PLXDC2: variants seen among roughly 807,000 people sequenced by gnomAD.
The protein encoded by PLXDC2 is plexin domain-containing protein 2.
PLXDC2 carries 40 observed loss-of-function variants against 68.9 expected under a neutral mutation model. That is an observed-to-expected ratio of 0.58 (90% CI 0.45 to 0.76). The LOEUF (loss-of-function observed/expected upper bound fraction) is 0.76, where lower values mean the gene tolerates loss of function less well. PLXDC2 is among the 30% of genes least tolerant of loss of function. PLXDC2 has a pLI of 0.00. For synonymous variants in PLXDC2, 243 were observed against 234.2 expected (o/e 1.04, Z -0.34); for missense variants, 644 against 661.9 (o/e 0.97, Z 0.30).
intron 13 of PLXDC2, among the ~76,000 whole-genome samples, chr10:20,249,462 C>A (rs901292665): frequency 6.6e-6 from 1 of 152,132 alleles, no homozygotes; most frequent in African/African-American, 2.4e-5. Flanking sequence ...AGGGGATAAT[C>A]GTTTCCTTGC....
rs988772698 is a variant in PLXDC2 at position 19,816,498 on chromosome 10, G to A, written c.-582G>A. On this transcript the variant is annotated 5_prime_UTR_variant, in exon 1 of 14. Transcript: ENST00000377252. ...GAGCTGCCCATTCCTCCGGCTGCGA[G>A]AAAGGACGCGCGCCCTGCGTCGGGC... 1 of 151,038 alleles carries A rather than the reference G, an allele frequency of 6.6e-6. No homozygotes were observed. The highest frequency in any genetic ancestry group is 2.5e-5 in the African/African-American group (1 of 40,398). 9.4% of individuals were successfully genotyped at this position (151,038 alleles called of 1,614,324 possible).
chr10:20,014,407 CTTCCTTCCTTCCTTCCTTCCTTCT>C (rs2131647539), intron 2 of PLXDC2, among the ~76,000 whole-genome samples: 2 of 123,992 alleles, frequency 1.6e-5, no homozygotes, highest in African/African-American at 5.8e-5. Context: ...TCCTTCCTTC[CTTCCTTCCTTCCTTCCTTCCTTCT>C]TTCCTTCCTT....
At chr10:19,978,082 C>T (rs1404810715) in intron 1 of PLXDC2, among the ~76,000 whole-genome samples, 1 of 152,142 alleles carries the variant, frequency 6.6e-6, no homozygotes, top group East Asian at 1.9e-4. Context: ...AACCTGTGAG[C>T]AAATCAGCAT....
chr10:19,861,768 G>A (rs760727363), intron 1 of PLXDC2, among the ~76,000 whole-genome samples: 6 of 152,110 alleles, frequency 3.9e-5, no homozygotes, highest in Non-Finnish European at 7.4e-5. Context: ...GCTAGAGTTG[G>A]AGCACATCTT....
intron 6 of PLXDC2, among the ~76,000 whole-genome samples, chr10:20,150,915 T>A (rs1393606703): frequency 6.6e-6 from 1 of 152,226 alleles, no homozygotes; most frequent in Non-Finnish European, 1.5e-5. Context: ...CCTGTTTTGT[T>A]ATGGGGAATT....
chr10:20,108,567 G>A (rs996707353), intron 4 of PLXDC2, among the ~76,000 whole-genome samples: 3 of 152,130 alleles, frequency 2.0e-5, no homozygotes, highest in Non-Finnish European at 4.4e-5. Context: ...ATCAGTGCGT[G>A]GTGGATAAGG....
At chr10:20,035,423 G>A (rs1299962139) in intron 2 of PLXDC2, among the ~76,000 whole-genome samples, 3 of 152,166 alleles carry the variant, frequency 2.0e-5, no homozygotes, top group Non-Finnish European at 2.9e-5. Flanking sequence ...TAGGCAAGAT[G>A]TGGTGGCTCA....
At chr10:20,129,636 G>T (rs1171729913) in intron 4 of PLXDC2, among the ~76,000 whole-genome samples, 4 of 147,368 alleles carry the variant, frequency 2.7e-5, no homozygotes, top group African/African-American at 9.8e-5. Context: ...TAATAGTTTT[G>T]CAGTTTCTGG....
At position 20,222,049 on chromosome 10, in the gene PLXDC2, A is replaced by G. The variant is rs149778100; in HGVS notation, c.1312+2947A>G. ...CAGATTGACAGGTCTGTCATCTCAC[A>G]TAGTTACTTTTTGGTGACTAATTGG... On this transcript the variant is annotated intron_variant, in intron 12 of 13. Transcript: ENST00000377252. Among the ~76,000 whole-genome samples the G allele has an allele frequency of 9.9e-3, 1,506 of 152,306 alleles. 18 individuals carry two copies. The highest frequency in any genetic ancestry group is 0.012 in the Non-Finnish European group (832 of 68,022).
chr10:19,967,944 A>G (rs1834290980), intron 1 of PLXDC2, among the ~76,000 whole-genome samples: 1 of 152,244 alleles, frequency 6.6e-6, no homozygotes, highest in Non-Finnish European at 1.5e-5. Flanking sequence ...TAAAATTATG[A>G]AGAAAAGGGA....
At chr10:19,853,425 T>C (rs1837156824) in intron 1 of PLXDC2, among the ~76,000 whole-genome samples, 1 of 152,080 alleles carries the variant, frequency 6.6e-6, no homozygotes, top group African/African-American at 2.4e-5. Context: ...TTTTATTTAT[T>C]TATTTATTTT....
chr10:20,246,618 G>A (rs369180375), intron 13 of PLXDC2, among the ~76,000 whole-genome samples: 39 of 152,298 alleles, frequency 2.6e-4, no homozygotes, highest in African/African-American at 8.4e-4. Flanking sequence ...CCAAAGTGCC[G>A]GGATTACAGG....
intron 2 of PLXDC2, among the ~76,000 whole-genome samples, chr10:20,013,365 T>C (rs75171547): frequency 0.012 from 1,893 of 152,316 alleles, 48 homozygotes; most frequent in African/African-American, 0.042. Context: ...GGAACTCTTT[T>C]AGGTACTTCC....
Position 19,993,403 on chromosome 10 carries a change from A to T in PLXDC2, c.113-8372A>T, listed in dbSNP as rs1197678993. ...ACATTTTAAAAGTGTAAATTAGTTAAGTGTGTATTTTTATTTATTTATTCA... is the reference window on the plus strand; with the variant it reads ...ACATTTTAAAAGTGTAAATTAGTTATGTGTGTATTTTTATTTATTTATTCA... On this transcript the variant is annotated intron_variant, in intron 1 of 13. Coordinates refer to ENST00000377252, the MANE Select transcript of PLXDC2 (RefSeq NM_032812.9). Among the ~76,000 whole-genome samples, 4 of 152,090 alleles carry T rather than the reference A, an allele frequency of 2.6e-5. No individual in the cohort carries two copies. The East Asian group carries it at 5.8e-4, about 22-fold the overall frequency.
intron 4 of PLXDC2, among the ~76,000 whole-genome samples, chr10:20,128,351 CT>C (rs995843248): frequency 4.6e-5 from 7 of 152,048 alleles, no homozygotes; most frequent in Admixed American, 3.9e-4. Flanking sequence ...GAGGTATTGA[CT>C]TTTTTTCAGC....
chr10:20,098,187 G>A (rs925024420), intron 4 of PLXDC2, among the ~76,000 whole-genome samples: 1 of 152,032 alleles, frequency 6.6e-6, no homozygotes, highest in African/African-American at 2.4e-5. Context: ...GTGTCCTTTA[G>A]CTGAAATCAG....
At chr10:19,818,637 C>T (rs1199086544) in intron 1 of PLXDC2, among the ~76,000 whole-genome samples, 3 of 152,098 alleles carry the variant, frequency 2.0e-5, no homozygotes, top group Non-Finnish European at 4.4e-5. Flanking sequence ...TTTAATTGTT[C>T]TGCATTAATG....
intron 7 of PLXDC2, 43 bp from the exon 8 acceptor site, chr10:20,176,956 C>G: frequency 7.2e-7 from 1 of 1,395,724 alleles, no homozygotes; most frequent in Admixed American, 1.8e-5. Flanking sequence ...GTTTTGTAAG[C>G]GAGGAAAGGT....
intron 1 of PLXDC2, among the ~76,000 whole-genome samples, chr10:19,910,308 A>G (rs1220473696): frequency 6.6e-6 from 1 of 151,996 alleles, no homozygotes; most frequent in Non-Finnish European, 1.5e-5. Flanking sequence ...TGATAATCAG[A>G]AGAACAACAA....
Sources: gnomAD v4.1 joint callset for allele counts (sites outside exome capture counted in the v4.1 genomes callset) on GRCh38, gnomAD v4.1.1 for gene constraint, MANE v1.5 for transcripts, NCBI Gene and HGNC (gene_info 2026-07-23, HGNC 2026-07-21) for gene names.